The following SGCD variants were observed in gnomAD, a reference collection of about 807,000 sequenced individuals.
SGCD encodes the protein sarcoglycan delta.
In SGCD, 18 loss-of-function variants were observed where a neutral mutation model predicts 36.6. The ratio of observed to expected loss-of-function variants is 0.49; its 90% CI spans 0.34 to 0.73. The LOEUF is 0.73. SGCD is among the 30% of genes least tolerant of loss of function. The pLI, the probability that SGCD is intolerant of heterozygous loss-of-function variation, is 0.01. For missense variants in SGCD, 387 were observed against 346.7 expected (o/e 1.12, Z -0.92); for synonymous variants, 133 against 130.6 (o/e 1.02, Z -0.12).
chr5:156,455,264 C>G (rs1754202827), intron 3 of SGCD, among the ~76,000 whole-genome samples: 1 of 152,140 alleles, frequency 6.6e-6, no homozygotes, highest in South Asian at 2.1e-4. Flanking sequence ...GTATGGCAGT[C>G]TCTGAAGGCA....
At chr5:156,537,632 T>A (rs528034893) in intron 4 of SGCD, among the ~76,000 whole-genome samples, 2 of 152,024 alleles carry the variant, frequency 1.3e-5, no homozygotes, top group Non-Finnish European at 2.9e-5. Flanking sequence ...GTGCCTTACG[T>A]TGGAGTTCTA....
At chr5:156,444,603 C>T (rs1388850114) in intron 3 of SGCD, among the ~76,000 whole-genome samples, 35 of 152,026 alleles carry the variant, frequency 2.3e-4, no homozygotes, top group Admixed American at 2.3e-3. Context: ...GACTTCCACC[C>T]CCCACCTCCA....
At chr5:155,927,928 T>G (rs183624791) in intron 1 of SGCD, among the ~76,000 whole-genome samples, 127 of 152,332 alleles carry the variant, frequency 8.3e-4, no homozygotes, top group African/African-American at 2.7e-3. Flanking sequence ...GTTTCTAATT[T>G]TTCTACTTTG....
At chr5:155,911,743 G>A (rs1209319144) in intron 1 of SGCD, among the ~76,000 whole-genome samples, 1 of 152,018 alleles carries the variant, frequency 6.6e-6, no homozygotes, top group Non-Finnish European at 1.5e-5. Context: ...CTAGAATTCT[G>A]AAAGTATTTC....
the SGCD span, among the ~76,000 whole-genome samples, chr5:155,732,540 C>G: frequency 6.6e-6 from 1 of 152,154 alleles, no homozygotes; most frequent in Non-Finnish European, 1.5e-5. Flanking sequence ...TGCCAGAGAT[C>G]CTATAACCAG....
intron 3 of SGCD, among the ~76,000 whole-genome samples, chr5:156,429,265 C>CTTTTTTTTTTTTTTTTTT (rs3074973): frequency 2.4e-5 from 3 of 123,796 alleles, no homozygotes; most frequent in African/African-American, 5.8e-5. Flanking sequence ...CCCTCATTGT[C>CTTTTTTTTTTTTTTTTTT]TTTTTTTTTT....
rs1166936685 is a variant in SGCD, at chr5:156,379,872, A to G, written c.192+35195A>G. On this transcript the variant is annotated intron_variant, in intron 3 of 8. Coordinates refer to ENST00000337851, the MANE Select transcript of SGCD (RefSeq NM_000337.6). ...TTTTGACTTTGAAGATTCCTTCAGAATTGTTCAGAAAACTCTCTTAGGAAA... is the reference window on the plus strand; with the variant it reads ...TTTTGACTTTGAAGATTCCTTCAGAGTTGTTCAGAAAACTCTCTTAGGAAA... Among the ~76,000 whole-genome samples, 3 of 152,226 alleles carry G rather than the reference A, an allele frequency of 2.0e-5. No individual in the cohort carries two copies. In the East Asian group the frequency reaches 5.8e-4, roughly 29 times the overall value.
intron 1 of SGCD, among the ~76,000 whole-genome samples, chr5:156,109,573 C>T (rs759278716): frequency 6.6e-6 from 1 of 152,144 alleles, no homozygotes; most frequent in African/African-American, 2.4e-5. Flanking sequence ...CTCATCCATC[C>T]ATATAGGAAT....
the SGCD span, among the ~76,000 whole-genome samples, chr5:155,809,695 A>T: frequency 1.1e-4 from 16 of 152,366 alleles, no homozygotes; most frequent in Non-Finnish European, 2.9e-5. Context: ...GGCCAAATAT[A>T]TCTAGGAGAG....
At chr5:156,015,823 A>G (rs1345085081) in intron 1 of SGCD, among the ~76,000 whole-genome samples, 2 of 150,586 alleles carry the variant, frequency 1.3e-5, no homozygotes, top group African/African-American at 4.9e-5. Flanking sequence ...CACACAGTGC[A>G]CTGCATTGGT....
intron 3 of SGCD, among the ~76,000 whole-genome samples, chr5:156,412,646 T>C (rs1772822516): frequency 6.6e-6 from 1 of 152,108 alleles, no homozygotes; most frequent in South Asian, 2.1e-4. Flanking sequence ...GTCTCCAGAG[T>C]CAAAGAACTT....
chr5:156,170,274 A>G (rs115507797), intron 3 of SGCD, among the ~76,000 whole-genome samples: 429 of 152,310 alleles, frequency 2.8e-3, no homozygotes, highest in African/African-American at 9.6e-3. Context: ...CTCTCTTGTA[A>G]CCAAGAATTT....
At chr5:156,198,169 A>G (rs998244801) in intron 3 of SGCD, among the ~76,000 whole-genome samples, 2 of 152,080 alleles carry the variant, frequency 1.3e-5, no homozygotes, top group East Asian at 1.9e-4. Flanking sequence ...TTAGGACACT[A>G]TGTATGTCTA....
the SGCD span, among the ~76,000 whole-genome samples, chr5:155,729,299 C>G: frequency 6.6e-6 from 1 of 152,210 alleles, no homozygotes; most frequent in African/African-American, 2.4e-5. Context: ...CCAGCATAAG[C>G]GCTTAGAGAT....
At chr5:156,280,889 G>A (rs62383780) in intron 3 of SGCD, among the ~76,000 whole-genome samples, 8,792 of 152,116 alleles carry the variant, frequency 0.058, 297 homozygotes, top group Non-Finnish European at 0.075. Flanking sequence ...TGTATTAATC[G>A]GAATAAAAGT....
chr5:156,571,437 T>G (rs768259828), intron 4 of SGCD, among the ~76,000 whole-genome samples: 2 of 152,146 alleles, frequency 1.3e-5, no homozygotes, highest in Non-Finnish European at 2.9e-5. Context: ...ACTGGCTTAT[T>G]AAGTATTTAT....
intron 1 of SGCD, among the ~76,000 whole-genome samples, chr5:156,114,561 G>A (rs1347547760): frequency 6.6e-6 from 1 of 152,026 alleles, no homozygotes; most frequent in Non-Finnish European, 1.5e-5. Context: ...TCTGACCCAA[G>A]TTATTTATTG....
At chr5:156,145,376 G>T (rs559413304) in intron 3 of SGCD, among the ~76,000 whole-genome samples, 25 of 152,274 alleles carry the variant, frequency 1.6e-4, no homozygotes, top group African/African-American at 5.8e-4. Flanking sequence ...ACAGAATCAT[G>T]AGCCAATTAA....
At chr5:156,406,036 G>GAAAAAAAAAAAAAAAAAAAAAAAAA (rs79259925) in intron 3 of SGCD, among the ~76,000 whole-genome samples, 2 of 136,602 alleles carry the variant, frequency 1.5e-5, no homozygotes, top group Admixed American at 8.1e-5. Flanking sequence ...AAAAAAAAAG[G>GAAAAAAAAAAAAAAAAAAAAAAAAA]CCTCTGGGCA....
Sources: allele counts gnomAD v4.1 joint callset (sites outside exome capture counted in the v4.1 genomes callset), GRCh38; gene constraint gnomAD v4.1.1; transcripts MANE v1.5; gene names NCBI Gene and HGNC (gene_info 2026-07-23, HGNC 2026-07-21).